Variants in EGFR observed in about 807,000 individuals in gnomAD.
EGFR encodes the protein avian erythroblastic leukemia viral (v-erb-b) oncogene homolog.
Under a neutral mutation model 143.0 loss-of-function variants are expected in EGFR, and 58 were observed. The observed-to-expected ratio is 0.41, with a 90% confidence interval of 0.33 to 0.50. The LOEUF (loss-of-function observed/expected upper bound fraction) is 0.50, where lower values mean the gene tolerates loss of function less well. Among genes scored for constraint, EGFR ranks in the 20% least tolerant of loss-of-function variants. EGFR has a pLI of 0.39. For synonymous variants in EGFR, 613 were observed against 594.4 expected (o/e 1.03, Z -0.45); for missense variants, 1,307 against 1,579.0 (o/e 0.83, Z 2.92).
chr7:55,086,674 C>CT (rs1790779560), intron 1 of EGFR, among the ~76,000 whole-genome samples: 1 of 152,226 alleles, frequency 6.6e-6, no homozygotes, highest in Non-Finnish European at 1.5e-5. Context: ...GGTGGCCACG[C>CT]TTAGGTCGCT....
Position 55,156,558 on chromosome 7 carries a change from A to C in EGFR, c.1032A>C (p.Glu344Asp). ...RKVCNGIGIG[E>D]FKDSLSINAT... ...TGTGTAACGGAATAGGTATTGGTGAATTTAAAGACTCACTCTCCATAAATG... is the reference window on the plus strand; with the variant it reads ...TGTGTAACGGAATAGGTATTGGTGACTTTAAAGACTCACTCTCCATAAATG... Residue 344 changes from glutamate to aspartate, a missense_variant, in exon 9 of 28, where the codon GAA (glutamate) becomes GAC (aspartate). Glu to Asp is a conservative substitution (Grantham distance 45). This residue lies in a region of EGFR where 311 missense variants were observed against 412.3 expected (regional missense o/e 0.75). Transcript: ENST00000275493. 6.2e-7 allele frequency: 1 copy of C among 1,614,246 alleles called. No individual in the cohort carries two copies. The highest frequency in any genetic ancestry group is 8.5e-7 in the Non-Finnish European group (1 of 1,180,044).
intron 1 of EGFR, among the ~76,000 whole-genome samples, chr7:55,061,082 A>T (rs1364936597): frequency 2.0e-5 from 3 of 152,234 alleles, no homozygotes; most frequent in Non-Finnish European, 4.4e-5. Context: ...TCATGACTGT[A>T]TCTGTACCAG....
At chr7:55,043,925 A>ATTCCAACC (rs1788045394) in intron 1 of EGFR, 1 of 152,164 alleles carries the variant, frequency 6.6e-6, no homozygotes, top group Admixed American at 6.5e-5. Context: ...TTGGCCTAGC[A>ATTCCAACC]TTCCAACCTC....
chr7:55,204,010 T>C (rs1316460266), intron 27 of EGFR, among the ~76,000 whole-genome samples: 2 of 151,244 alleles, frequency 1.3e-5, no homozygotes, highest in African/African-American at 4.9e-5. Flanking sequence ...CATATGTAAG[T>C]TATATATATG....
intron 1 of EGFR, among the ~76,000 whole-genome samples, chr7:55,088,929 C>T (rs558569557): frequency 6.6e-6 from 1 of 152,226 alleles, no homozygotes; most frequent in South Asian, 2.1e-4. Flanking sequence ...CAAAAATATT[C>T]CTCTTTGTAA....
chr7:55,210,259 A>G lies in EGFR; in HGVS notation c.*4642A>G, dbSNP rs538597896. On this transcript the variant is annotated 3_prime_UTR_variant, in exon 28 of 28. Transcript: ENST00000275493. ...TTTTATTTTTATATTTACAATTGAT[A>G]TGCATTTACCAGTATAAACTAGACA... 51 of 152,340 alleles carry G rather than the reference A, an allele frequency of 3.3e-4. No individual in the cohort carries two copies. Among genetic ancestry groups the G allele is most frequent in the African/African-American group, 1.2e-3 (51 of 41,572 alleles). The allele number at this position is 152,340 out of a possible 1,614,324, so 9.4% of individuals were successfully genotyped here.
At chr7:55,181,011 C>G in intron 19 of EGFR, 1 of 553,772 alleles carries the variant, frequency 1.8e-6, no homozygotes, top group South Asian at 2.1e-5. Context: ...CCGACTCCTC[C>G]TTTATCCAAT....
intron 22 of EGFR, among the ~76,000 whole-genome samples, chr7:55,193,573 A>G (rs1267553074): frequency 6.6e-6 from 1 of 152,086 alleles, no homozygotes; most frequent in Non-Finnish European, 1.5e-5. Flanking sequence ...GAATTACCGC[A>G]CTTGGTCCTT....
intron 1 of EGFR, among the ~76,000 whole-genome samples, chr7:55,103,027 G>A (rs1469110335): frequency 6.6e-6 from 1 of 152,332 alleles, no homozygotes; most frequent in Admixed American, 6.5e-5. Flanking sequence ...TTCCTTTGAA[G>A]AAGTTTGGGG....
intron 27 of EGFR, among the ~76,000 whole-genome samples, chr7:55,204,767 CACAT>C (rs1293611385): frequency 4.1e-5 from 6 of 147,568 alleles, no homozygotes; most frequent in African/African-American, 1.2e-4. Flanking sequence ...ACACAATAGA[CACAT>C]ACACACCACA....
chr7:55,201,497 T>G, intron 25 of EGFR, 142 bp downstream of exon 25: 1 of 1,325,408 alleles, frequency 7.5e-7, no homozygotes, highest in Non-Finnish European at 1.1e-6. Context: ...AAAATCAAAA[T>G]AAATTAAGTG....
intron 1 of EGFR, among the ~76,000 whole-genome samples, chr7:55,087,408 G>C (rs775929688): frequency 6.6e-6 from 1 of 152,048 alleles, no homozygotes; most frequent in East Asian, 1.9e-4. Flanking sequence ...CAGGCCCTGC[G>C]TAGGGCCTAC....
At chr7:55,174,434 G>C (rs577328959) in intron 18 of EGFR, among the ~76,000 whole-genome samples, 1 of 152,218 alleles carries the variant, frequency 6.6e-6, no homozygotes, top group Admixed American at 6.5e-5. Context: ...AGGCCTAGAC[G>C]CAGCATCATT....
intron 1 of EGFR, among the ~76,000 whole-genome samples, chr7:55,071,839 T>C (rs150552229): frequency 1.6e-4 from 25 of 152,358 alleles, no homozygotes; most frequent in African/African-American, 6.0e-4. Flanking sequence ...TTAGGGCATA[T>C]ACAAAGATGT....
chr7:55,042,966 T>C (rs560620218), intron 1 of EGFR, among the ~76,000 whole-genome samples: 63 of 152,302 alleles, frequency 4.1e-4, no homozygotes, highest in African/African-American at 1.4e-3. Flanking sequence ...TAAATTGGTA[T>C]GTCTTGAAGT....
chr7:55,193,580 C>A (rs574151662), intron 22 of EGFR, among the ~76,000 whole-genome samples: 1 of 152,288 alleles, frequency 6.6e-6, no homozygotes, highest in African/African-American at 2.4e-5. Flanking sequence ...CGCACTTGGT[C>A]CTTGAATTTC....
chr7:55,066,440 G>A (rs548522146), intron 1 of EGFR, among the ~76,000 whole-genome samples: 2 of 39,870 alleles, frequency 5.0e-5, no homozygotes, highest in East Asian at 3.3e-3. Flanking sequence ...TTGTAGCCTC[G>A]AATTCCTCCG....
intron 1 of EGFR, among the ~76,000 whole-genome samples, 162 bp downstream of exon 1, chr7:55,019,527 G>GGAAC (rs1786395477): frequency 6.6e-6 from 1 of 152,052 alleles, no homozygotes; most frequent in Admixed American, 6.5e-5. Context: ...GACCGCGGGA[G>GGAAC]GAACGGGACG....
intron 27 of EGFR, 117 bp downstream of exon 27, chr7:55,202,742 G>C: frequency 1.1e-6 from 1 of 929,904 alleles, no homozygotes; most frequent in South Asian, 1.4e-5. Context: ...GGGGGAAACA[G>C]TGGCAGATTT....
Sources: gnomAD v4.1 joint callset for allele counts (sites outside exome capture counted in the v4.1 genomes callset) on GRCh38, gnomAD v4.1.1 for gene constraint, gnomAD v4.1.1 regional missense constraint, MANE v1.5 for transcripts, NCBI Gene and HGNC (gene_info 2026-07-23, HGNC 2026-07-21) for gene names.